TRMT44: variants seen among roughly 807,000 people sequenced by gnomAD.
TRMT44 encodes probable tRNA (uracil-O(2)-)-methyltransferase.
Under a neutral mutation model 77.3 loss-of-function variants are expected in TRMT44, and 78 were observed. That is an observed-to-expected ratio of 1.01 (90% confidence interval 0.84 to 1.22). TRMT44 has a LOEUF of 1.22. Ranked by LOEUF, TRMT44 falls within the 50% of genes most tolerant of loss-of-function variation. The pLI, the probability that TRMT44 is intolerant of heterozygous loss-of-function variation, is 0.00. For synonymous variants in TRMT44, 391 were observed against 383.3 expected, an observed-to-expected ratio of 1.02 and a Z score of -0.23; for missense variants, 1,090 against 964.4, an observed-to-expected ratio of 1.13 and a Z score of -1.73.
rs1182567777 is a variant in TRMT44, at chr4:8,446,487, G to T, written c.631G>T (p.Gly211Ter). 2 of 1,535,274 alleles carry T rather than the reference G, an allele frequency of 1.3e-6. No homozygotes were observed. Among genetic ancestry groups the T allele is most frequent in the Non-Finnish European group, 1.7e-6 (2 of 1,145,966 alleles). The part of the protein sequence containing the change: ...REIVVQDVLN[G>*]TITFLPLEED... ...CTTTTTCTTTCCAGATGTCCTCAATGGAACCATAACGTTTTTGCCTTTGGA... is the reference window on the plus strand; with the variant it reads ...CTTTTTCTTTCCAGATGTCCTCAATTGAACCATAACGTTTTTGCCTTTGGA... The change falls in exon 2 of 11, where the codon GGA becomes TGA. Residue 211 changes from glycine (G) to a stop codon, truncating the protein, a stop_gained. Coordinates refer to ENST00000389737, the MANE Select transcript of TRMT44 (RefSeq NM_152544.3). LOFTEE classifies it high-confidence loss of function. This position sits in a 1 kb window ranked among gnomAD's most constrained non-coding sequence, Gnocchi z 4.3.
downstream of TRMT44, among the ~76,000 whole-genome samples, chr4:8,494,425 G>A (rs892357647): frequency 6.6e-6 from 1 of 152,112 alleles, no homozygotes; most frequent in Non-Finnish European, 1.5e-5. Flanking sequence ...TGTGCCCTAC[G>A]TTTGTTTTAT....
intron 3 of TRMT44, 38 bp downstream of exon 3, chr4:8,449,926 A>G: frequency 2.3e-6 from 1 of 431,010 alleles, no homozygotes; most frequent in Non-Finnish European, 3.2e-6. Context: ...TTCCCCCTTC[A>G]TGATTTTCTT....
chr4:8,457,457 G>C (rs1725876671), intron 6 of TRMT44, among the ~76,000 whole-genome samples: 1 of 152,078 alleles, frequency 6.6e-6, no homozygotes, highest in Non-Finnish European at 1.5e-5. Flanking sequence ...AGAACCTCTT[G>C]AGTTAACACC....
chr4:8,516,052 C>G, the TRMT44 span, among the ~76,000 whole-genome samples: 22 of 152,140 alleles, frequency 1.4e-4, no homozygotes, highest in Admixed American at 2.6e-4. Context: ...CCCAGCTGTA[C>G]GCTGGGGGTC....
chr4:8,468,441 C>T, intron 9 of TRMT44, 95 bp downstream of exon 9: 2 of 1,272,408 alleles, frequency 1.6e-6, no homozygotes, highest in Non-Finnish European at 2.3e-6. Flanking sequence ...TGGTGTGGCC[C>T]TGTGACTACA....
chr4:8,475,983 G>C lies in TRMT44; in HGVS notation c.2256G>C (p.Pro752=), dbSNP rs567439952. The C allele has an allele frequency of 6.2e-7, 1 of 1,613,892 alleles. No homozygotes were observed. The highest frequency in any genetic ancestry group is 2.2e-5 in the East Asian group (1 of 44,888). ...AGCTGCGGCCACCCCGGACCACCCC[G>C]AGGAAGAAGATTTCATGAGCTGCAT... The part of the protein sequence containing the change: ...PAELRPPRTT[P]RKKIS Residue 752 remains proline (P), a synonymous_variant, in exon 11 of 11, where the codon CCG becomes CCC. Coordinates refer to ENST00000389737, the MANE Select transcript of TRMT44 (RefSeq NM_152544.3).
intron 6 of TRMT44, among the ~76,000 whole-genome samples, chr4:8,458,144 C>T (rs537109516): frequency 1.1e-4 from 17 of 152,226 alleles, no homozygotes; most frequent in African/African-American, 3.9e-4. Context: ...GACTCTTCTG[C>T]GATATGCACT....
intron 8 of TRMT44, among the ~76,000 whole-genome samples, chr4:8,465,844 C>T (rs1012227648): frequency 6.6e-6 from 1 of 152,240 alleles, no homozygotes; most frequent in Non-Finnish European, 1.5e-5. Flanking sequence ...GGGACCTGCC[C>T]AGAGGAGGCC....
intron 6 of TRMT44, among the ~76,000 whole-genome samples, chr4:8,460,082 C>G (rs1208741749): frequency 2.0e-5 from 3 of 152,204 alleles, no homozygotes; most frequent in African/African-American, 7.2e-5. Context: ...TCAGATCAGT[C>G]AGATCTTGGT....
chr4:8,466,897 A>T (rs557946560), intron 8 of TRMT44, among the ~76,000 whole-genome samples: 13 of 152,282 alleles, frequency 8.5e-5, no homozygotes, highest in African/African-American at 3.1e-4. Context: ...AGGCACTGAG[A>T]ATTTAAAATC....
rs1010850318 is a variant in TRMT44, at chr4:8,444,664, C to T, written c.620-1812C>T. Among the ~76,000 whole-genome samples the T allele has an allele frequency of 6.6e-6, 1 of 152,212 alleles. No individual in the cohort carries two copies. On this transcript the variant is annotated intron_variant, in intron 1 of 10. Transcript: ENST00000389737. This position sits in a 1 kb window ranked among gnomAD's most constrained non-coding sequence, Gnocchi z 4.0. ...CCGCCTGCCTTGGCCTCCCAAAGTGCCGGGGTTACGGGCGTGAGCCACCTC... is the reference window on the plus strand; with the variant it reads ...CCGCCTGCCTTGGCCTCCCAAAGTGTCGGGGTTACGGGCGTGAGCCACCTC...
In TRMT44 at chr4:8,475,946, A is replaced by C. The variant is rs780314671; in HGVS notation, c.2219A>C (p.His740Pro). ...TCCACGGACTGCTGCCCGTTTGCCC[A>C]TGGGCCTGCGGAGCTGCGGCCACCC... is the stretch of plus-strand genomic sequence containing the variant. The part of the protein sequence containing the change: ...ALSTDCCPFA[H>P]GPAELRPPRT... The change falls in exon 11 of 11, where the codon CAT becomes CCT. Residue 740 changes from histidine (H) to proline (P), a missense_variant. Coordinates refer to ENST00000389737, the MANE Select transcript of TRMT44 (RefSeq NM_152544.3). 1 of 1,614,130 alleles carries C rather than the reference A, an allele frequency of 6.2e-7. No homozygotes were observed. Among genetic ancestry groups the C allele is most frequent in the Non-Finnish European group, 8.5e-7 (1 of 1,180,040 alleles).
chr4:8,493,658 A>C (rs1244954032), downstream of TRMT44: 1 of 152,188 alleles, frequency 6.6e-6, no homozygotes, highest in Non-Finnish European at 1.5e-5. Flanking sequence ...TCTTCAGTCT[A>C]TGTTGGATCC....
chr4:8,458,837 A>T (rs1032911316), intron 6 of TRMT44, among the ~76,000 whole-genome samples: 4 of 152,060 alleles, frequency 2.6e-5, no homozygotes, highest in Admixed American at 2.6e-4. Context: ...ATCGACTTTT[A>T]TGTTTATATT....
chr4:8,464,633 C>G (rs920287368), intron 7 of TRMT44, among the ~76,000 whole-genome samples: 1 of 152,202 alleles, frequency 6.6e-6, no homozygotes, highest in African/African-American at 2.4e-5. Context: ...CAAGGAGTAA[C>G]TAGGTGAAAG....
chr4:8,444,501 G>A lies in TRMT44; in HGVS notation c.620-1975G>A, dbSNP rs1724942606. Among the ~76,000 whole-genome samples, 1 of 151,732 alleles carries A rather than the reference G, an allele frequency of 6.6e-6. No individual in the cohort carries two copies. Among genetic ancestry groups the A allele is most frequent in the Non-Finnish European group, 1.5e-5 (1 of 67,974 alleles). On this transcript the variant is annotated intron_variant, in intron 1 of 10. Transcript: ENST00000389737. The surrounding 1 kb of genome is among the most constrained non-coding windows in gnomAD (Gnocchi z 4.0). ...CAACCTCCGCCTCCTGGGTTCGAGC[G>A]ATTCTCCTAACTTAGCCTCCCAAGC...
downstream of TRMT44, among the ~76,000 whole-genome samples, chr4:8,480,255 G>C (rs1727570933): frequency 6.6e-6 from 1 of 152,188 alleles, no homozygotes; most frequent in African/African-American, 2.4e-5. Context: ...CTTTAGAGCA[G>C]GAAAGAAAAA....
At chr4:8,443,649 AT>A (rs1402510168) in intron 1 of TRMT44, among the ~76,000 whole-genome samples, 4 of 152,194 alleles carry the variant, frequency 2.6e-5, no homozygotes, top group Admixed American at 6.5e-5. Flanking sequence ...TGCCTAATAA[AT>A]GCTAGCTGCT....
chr4:8,470,254 T>G (rs773967636), intron 9 of TRMT44, among the ~76,000 whole-genome samples: 1 of 152,132 alleles, frequency 6.6e-6, no homozygotes. Flanking sequence ...TCGCAGCAGC[T>G]GCGACAGCGG....
Sources: gnomAD v4.1 joint callset for allele counts (sites outside exome capture counted in the v4.1 genomes callset) on GRCh38, gnomAD v4.1.1 for gene constraint, Gnocchi (gnomAD v3.1) non-coding constraint, MANE v1.5 for transcripts, NCBI Gene and HGNC (gene_info 2026-07-23, HGNC 2026-07-21) for gene names.